Variants in ZNF804A observed in about 807,000 individuals in gnomAD.
ZNF804A encodes zinc finger protein 804A.
In ZNF804A, 2 loss-of-function variants were observed where a neutral mutation model predicts 16.5. The observed-to-expected ratio is 0.12, with a 90% confidence interval of 0.05 to 0.38. The LOEUF is 0.38. Among genes scored for constraint, ZNF804A ranks in the 10% least tolerant of loss-of-function variants. The pLI is 0.99. For synonymous variants in ZNF804A, 534 were observed against 489.6 expected, an observed-to-expected ratio of 1.09 and a Z score of -1.20; for missense variants, 1,473 against 1,390.7, an observed-to-expected ratio of 1.06 and a Z score of -0.94.
rs539029596 is a variant in ZNF804A at position 184,740,515 on chromosome 2, T to C, written c.112-125854T>C. On this transcript the variant is annotated intron_variant, in intron 1 of 3. Transcript: ENST00000302277. ...AAATCTTTTATTTCTCAGGCATAGA[T>C]TTATTAGTTTTTTCAAAATTATCTT... 3.3e-5 allele frequency among the ~76,000 whole-genome samples: 5 copies of C among 152,240 alleles called. No individual in the cohort carries two copies. In the South Asian group the frequency reaches 1.0e-3, roughly 32 times the overall value.
At chr2:184,696,819 G>A in intron 1 of ZNF804A, among the ~76,000 whole-genome samples, 1 of 151,796 alleles carries the variant, frequency 6.6e-6, no homozygotes, top group East Asian at 1.9e-4. Flanking sequence ...AATCAAATGG[G>A]TTATATAAAT....
intron 2 of ZNF804A, among the ~76,000 whole-genome samples, chr2:184,896,459 C>T (rs1685071670): frequency 6.6e-6 from 1 of 151,990 alleles, no homozygotes; most frequent in South Asian, 2.1e-4. Context: ...AGCTCATAGC[C>T]AATAGTGAAT....
intron 1 of ZNF804A, among the ~76,000 whole-genome samples, chr2:184,736,658 T>C (rs931952147): frequency 3.3e-5 from 5 of 152,020 alleles, no homozygotes; most frequent in Admixed American, 3.3e-4. Flanking sequence ...CACGTATACC[T>C]ATGTAAGAAA....
intron 1 of ZNF804A, among the ~76,000 whole-genome samples, chr2:184,646,488 G>A (rs1691875342): frequency 6.6e-6 from 1 of 152,162 alleles, no homozygotes; most frequent in African/African-American, 2.4e-5. Context: ...AACTGGATCA[G>A]CAACCTGACC....
intron 1 of ZNF804A, among the ~76,000 whole-genome samples, chr2:184,751,258 G>T (rs936164373): frequency 6.6e-5 from 10 of 151,324 alleles, no homozygotes; most frequent in African/African-American, 1.9e-4. Flanking sequence ...TAGGGTTCAT[G>T]AATGCACAAT....
At chr2:184,805,060 A>G (rs956410826) in intron 1 of ZNF804A, among the ~76,000 whole-genome samples, 3 of 152,218 alleles carry the variant, frequency 2.0e-5, no homozygotes, top group Non-Finnish European at 4.4e-5. Context: ...TCCAGGGACC[A>G]CACTGAGAGG....
At position 184,935,889 on chromosome 2, in the gene ZNF804A, G is replaced by A. The variant is rs1331729039; in HGVS notation, c.493G>A (p.Asp165Asn). ...VVVDSVNNQQDFKYTLIHSEE... is the reference protein window; with the variant it reads ...VVVDSVNNQQNFKYTLIHSEE... ...TGTGGATTCAGTTAATAACCAGCAA[G>A]ATTTCAAATATACTTTGATTCATAG... Residue 165 changes from aspartate to asparagine, a missense_variant, in exon 4 of 4, where the codon GAT (aspartate) becomes AAT (asparagine). Coordinates refer to ENST00000302277, the MANE Select transcript of ZNF804A (RefSeq NM_194250.2). The A allele has an allele frequency of 1.2e-6, 2 of 1,613,878 alleles. No individual in the cohort carries two copies. The highest frequency in any genetic ancestry group is 4.5e-5 in the East Asian group (2 of 44,850).
intron 1 of ZNF804A, among the ~76,000 whole-genome samples, chr2:184,695,509 T>A (rs1452908639): frequency 6.7e-6 from 1 of 149,718 alleles, no homozygotes; most frequent in Non-Finnish European, 1.5e-5. Context: ...CTTTTTAAAC[T>A]TTTTTTAAGA....
At chr2:184,646,685 A>G (rs1258077592) in intron 1 of ZNF804A, among the ~76,000 whole-genome samples, 3 of 152,216 alleles carry the variant, frequency 2.0e-5, no homozygotes, top group African/African-American at 4.8e-5. Context: ...ATGTCCAAGT[A>G]TCTGGAGAAT....
chr2:184,715,764 C>T (rs1693203037), intron 1 of ZNF804A, among the ~76,000 whole-genome samples: 1 of 152,130 alleles, frequency 6.6e-6, no homozygotes, highest in South Asian at 2.1e-4. Flanking sequence ...ATAACTTTAT[C>T]AATTTTTATG....
At chr2:184,839,943 G>T (rs1424199393) in intron 1 of ZNF804A, among the ~76,000 whole-genome samples, 1 of 152,010 alleles carries the variant, frequency 6.6e-6, no homozygotes, top group African/African-American at 2.4e-5. Context: ...CCTTCAACTT[G>T]GATTGAGGTG....
At chr2:184,657,943 G>C (rs1403931091) in intron 1 of ZNF804A, among the ~76,000 whole-genome samples, 1 of 152,204 alleles carries the variant, frequency 6.6e-6, no homozygotes, top group Non-Finnish European at 1.5e-5. Flanking sequence ...GCAGGGAGTA[G>C]TCACTAGAAA....
chr2:184,690,411 A>C (rs930152784), intron 1 of ZNF804A, among the ~76,000 whole-genome samples: 3 of 152,034 alleles, frequency 2.0e-5, no homozygotes, highest in Non-Finnish European at 4.4e-5. Context: ...TATTCTACTC[A>C]TTCAATTATA....
rs142406064 is a variant in ZNF804A at position 184,612,123 on chromosome 2, C to G, written c.111+13053C>G. Among the ~76,000 whole-genome samples, 432 of 151,856 alleles carry G rather than the reference C, an allele frequency of 2.8e-3. 1 individual carries two copies. The highest frequency in any genetic ancestry group is 9.0e-3 in the African/African-American group (371 of 41,396). On this transcript the variant is annotated intron_variant, in intron 1 of 3. Coordinates refer to ENST00000302277, the MANE Select transcript of ZNF804A (RefSeq NM_194250.2). ...AAATGTTCATGGAGTACATTATTAA[C>G]CAAAATAAAGGTCAACTGTGATGAT... is the stretch of plus-strand genomic sequence containing the variant.
At chr2:184,787,704 T>A (rs1030941173) in intron 1 of ZNF804A, among the ~76,000 whole-genome samples, 2 of 151,966 alleles carry the variant, frequency 1.3e-5, no homozygotes, top group Non-Finnish European at 2.9e-5. Flanking sequence ...AGTTTTTTGG[T>A]GCCTTTCTCG....
chr2:184,900,402 T>C (rs1337083880), intron 2 of ZNF804A, among the ~76,000 whole-genome samples: 2 of 152,116 alleles, frequency 1.3e-5, no homozygotes, highest in Non-Finnish European at 2.9e-5. Context: ...GGAGGCTAAT[T>C]CGCTTAAATC....
intron 1 of ZNF804A, among the ~76,000 whole-genome samples, chr2:184,631,017 C>G (rs1310443270): frequency 1.3e-5 from 2 of 152,096 alleles, no homozygotes; most frequent in Non-Finnish European, 2.9e-5. Flanking sequence ...ATTCTAGTAA[C>G]TATGTTGCTG....
intron 1 of ZNF804A, among the ~76,000 whole-genome samples, chr2:184,837,948 A>C (rs1010261917): frequency 6.6e-6 from 1 of 152,124 alleles, no homozygotes; most frequent in African/African-American, 2.4e-5. Flanking sequence ...CCTTGAGAGA[A>C]ACAGCAGGAA....
chr2:184,853,010 T>C (rs1695629590), intron 1 of ZNF804A, among the ~76,000 whole-genome samples: 1 of 151,816 alleles, frequency 6.6e-6, no homozygotes, highest in Non-Finnish European at 1.5e-5. Context: ...AGAGGTGCCA[T>C]TTAATCTGTA....
Sources: allele counts gnomAD v4.1 joint callset (sites outside exome capture counted in the v4.1 genomes callset), GRCh38; gene constraint gnomAD v4.1.1; transcripts MANE v1.5; gene names NCBI Gene and HGNC (gene_info 2026-07-23, HGNC 2026-07-21).